ADAMTS12: variants seen among roughly 807,000 people sequenced by gnomAD.
The protein encoded by ADAMTS12 is ADAM metallopeptidase with thrombospondin type 1 motif 12.
ADAMTS12 carries 118 observed loss-of-function variants against 167.8 expected under a neutral mutation model. The observed-to-expected ratio is 0.70, with a 90% CI of 0.61 to 0.82. The LOEUF (loss-of-function observed/expected upper bound fraction) is 0.82, where lower values mean the gene tolerates loss of function less well. Among genes scored for constraint, ADAMTS12 ranks in the 40% least tolerant of loss-of-function variants. The pLI, the probability that ADAMTS12 is intolerant of heterozygous loss-of-function variation, is 0.00. For synonymous variants in ADAMTS12, 704 were observed against 716.9 expected, an observed-to-expected ratio of 0.98 and a Z score of 0.29; for missense variants, 1,916 against 1,998.8, an observed-to-expected ratio of 0.96 and a Z score of 0.79.
At chr5:33,588,494 T>C (rs1579710840) in intron 18 of ADAMTS12, 105 bp downstream of exon 18, 1 of 1,370,240 alleles carries the variant, frequency 7.3e-7, no homozygotes, top group Non-Finnish European at 1.0e-6. Flanking sequence ...ACACTGGCTA[T>C]TTTGCAATTT....
At chr5:33,702,771 C>G (rs1743048767) in intron 3 of ADAMTS12, among the ~76,000 whole-genome samples, 1 of 152,188 alleles carries the variant, frequency 6.6e-6, no homozygotes, top group Non-Finnish European at 1.5e-5. Context: ...GTTCATACAA[C>G]TGTGAGCTTG....
At chr5:33,592,080 T>C (rs1747672242) in intron 17 of ADAMTS12, among the ~76,000 whole-genome samples, 1 of 151,594 alleles carries the variant, frequency 6.6e-6, no homozygotes. Context: ...AATACAAAAA[T>C]TAGCTGGGCG....
intron 2 of ADAMTS12, among the ~76,000 whole-genome samples, chr5:33,820,802 C>A (rs976751675): frequency 1.2e-4 from 18 of 152,088 alleles, no homozygotes; most frequent in African/African-American, 4.3e-4. Flanking sequence ...TGAAAAAGAA[C>A]AAGATCATGT....
chr5:33,765,355 T>C (rs991002065), intron 2 of ADAMTS12, among the ~76,000 whole-genome samples: 2 of 152,226 alleles, frequency 1.3e-5, no homozygotes, highest in Non-Finnish European at 2.9e-5. Context: ...AATAACCTTA[T>C]TTTCATTCCA....
intron 22 of ADAMTS12, among the ~76,000 whole-genome samples, chr5:33,540,647 T>C (rs1321517661): frequency 1.3e-5 from 2 of 152,232 alleles, no homozygotes; most frequent in Admixed American, 6.5e-5. Flanking sequence ...TCTTCTGCAA[T>C]ATTTGCTGCT....
chr5:33,796,914 G>A (rs1746796886), intron 2 of ADAMTS12, among the ~76,000 whole-genome samples: 1 of 152,134 alleles, frequency 6.6e-6, no homozygotes, highest in Non-Finnish European at 1.5e-5. Context: ...TTTGGGAATG[G>A]AAGACTGGAT....
At chr5:33,701,442 A>C (rs970048194) in intron 3 of ADAMTS12, among the ~76,000 whole-genome samples, 2 of 152,082 alleles carry the variant, frequency 1.3e-5, no homozygotes, top group African/African-American at 4.8e-5. Flanking sequence ...GCCAGTATTC[A>C]CTTCTTTCTC....
At chr5:33,753,871 C>T (rs1406964524) in intron 2 of ADAMTS12, among the ~76,000 whole-genome samples, 2 of 152,110 alleles carry the variant, frequency 1.3e-5, no homozygotes, top group African/African-American at 2.4e-5. Flanking sequence ...TACCTGGAAA[C>T]CTGTGAGAGC....
chr5:33,639,421 A>G (rs1265110745), intron 11 of ADAMTS12, among the ~76,000 whole-genome samples: 2 of 152,208 alleles, frequency 1.3e-5, no homozygotes, highest in Admixed American at 6.5e-5. Flanking sequence ...TGAAAGTACA[A>G]TGAGAGTTAT....
At chr5:33,600,668 C>T (rs547626255) in intron 16 of ADAMTS12, among the ~76,000 whole-genome samples, 2 of 152,160 alleles carry the variant, frequency 1.3e-5, no homozygotes, top group Admixed American at 6.5e-5. Context: ...CTTTAAAATA[C>T]TGTTAAGGTC....
At chr5:33,735,363 G>A (rs1744334097) in intron 3 of ADAMTS12, among the ~76,000 whole-genome samples, 1 of 152,160 alleles carries the variant, frequency 6.6e-6, no homozygotes, top group Non-Finnish European at 1.5e-5. Flanking sequence ...CAATGGTCTA[G>A]ACCAGGGATC....
intron 2 of ADAMTS12, among the ~76,000 whole-genome samples, chr5:33,858,830 G>A (rs1260411733): frequency 1.3e-5 from 2 of 151,974 alleles, no homozygotes; most frequent in South Asian, 2.1e-4. Context: ...CATTGGGACT[G>A]GTTAAACAGT....
In ADAMTS12 at chr5:33,816,524, C is replaced by T. The variant is rs560590332; in HGVS notation, c.489+64595G>A. On this transcript the variant is annotated intron_variant, in intron 2 of 23. Transcript: ENST00000504830. ...TGTATCCCCAGTCTTCCCTTCACCC[C>T]CATTCTACTCTCTGCTTCTATGAGG... is the stretch of plus-strand genomic sequence containing the variant. Among the ~76,000 whole-genome samples the T allele has an allele frequency of 5.9e-5, 9 of 152,284 alleles. No homozygotes were observed. In the South Asian group the frequency reaches 1.9e-3, roughly 32 times the overall value.
chr5:33,807,897 G>GT (rs138500007), intron 2 of ADAMTS12, among the ~76,000 whole-genome samples: 5,172 of 152,314 alleles, frequency 0.034, 309 homozygotes, highest in African/African-American at 0.12. Flanking sequence ...GATGCAGCTA[G>GT]TAAGTGTGGG....
Position 33,576,496 on chromosome 5 carries a change from C to G in ADAMTS12, c.3530G>C (p.Trp1177Ser). 1 of 1,608,972 alleles carries G rather than the reference C, an allele frequency of 6.2e-7. No individual in the cohort carries two copies. Among genetic ancestry groups the G allele is most frequent in the South Asian group, 1.1e-5 (1 of 89,964 alleles). The change falls in exon 19 of 24, where the codon TGG (tryptophan) becomes TCG (serine). Residue 1177 changes from tryptophan (W) to serine (S), a missense_variant. Physicochemically the swap from Trp to Ser is radical, Grantham distance 177. Transcript: ENST00000504830. Reference sequence around the variant, plus strand: ...ATTTCCAGGTACTCTGATCTTGGTCCATATTACAGGATTGCTTTCATCTTT... The same window carrying G: ...ATTTCCAGGTACTCTGATCTTGGTCGATATTACAGGATTGCTTTCATCTTT... Reference protein sequence around the residue: ...EDKDESNPVIWTKIRVPGNDA... With the variant: ...EDKDESNPVISTKIRVPGNDA...
chr5:33,763,807 C>A (rs1453151116), intron 2 of ADAMTS12, among the ~76,000 whole-genome samples: 1 of 152,154 alleles, frequency 6.6e-6, no homozygotes, highest in Non-Finnish European at 1.5e-5. Context: ...ATTTTAAATT[C>A]TGGTTCCAGA....
intron 3 of ADAMTS12, among the ~76,000 whole-genome samples, chr5:33,702,818 G>T (rs1174684314): frequency 6.6e-6 from 1 of 152,136 alleles, no homozygotes; most frequent in East Asian, 1.9e-4. Context: ...TTCTCTTGAG[G>T]CAGAAGTAAC....
chr5:33,688,604 T>C (rs1742436614), intron 3 of ADAMTS12, among the ~76,000 whole-genome samples: 1 of 152,202 alleles, frequency 6.6e-6, no homozygotes, highest in African/African-American at 2.4e-5. Flanking sequence ...CAGCCAGGCA[T>C]GGATCACGCC....
chr5:33,629,677 C>T (rs1172658158), intron 13 of ADAMTS12, among the ~76,000 whole-genome samples: 4 of 152,192 alleles, frequency 2.6e-5, no homozygotes, highest in Non-Finnish European at 5.9e-5. Context: ...ACTTCCTGAG[C>T]AACCTTGGAT....
Sources: allele counts gnomAD v4.1 joint callset (sites outside exome capture counted in the v4.1 genomes callset), GRCh38; gene constraint gnomAD v4.1.1; transcripts MANE v1.5; gene names NCBI Gene and HGNC (gene_info 2026-07-23, HGNC 2026-07-21).